The following UBASH3B variants were observed in gnomAD, a reference collection of about 807,000 sequenced individuals.
UBASH3B encodes ubiquitin-associated and SH3 domain-containing protein B.
Under a neutral mutation model 83.4 loss-of-function variants are expected in UBASH3B, and 37 were observed. That is an observed-to-expected ratio of 0.44 (90% confidence interval 0.34 to 0.58). The LOEUF is 0.58. UBASH3B is among the 20% of genes least tolerant of loss of function. The pLI is 0.01. For missense variants in UBASH3B, 657 were observed against 827.2 expected (o/e 0.79, Z 2.52); for synonymous variants, 304 against 318.3 (o/e 0.96, Z 0.48).
At chr11:122,656,858 A>T (rs1284473894) in intron 1 of UBASH3B, among the ~76,000 whole-genome samples, 1 of 152,200 alleles carries the variant, frequency 6.6e-6, no homozygotes, top group African/African-American at 2.4e-5. Flanking sequence ...GGCAGCTCAG[A>T]AATCTGTGGG....
intron 1 of UBASH3B, among the ~76,000 whole-genome samples, chr11:122,744,332 A>T (rs1390838677): frequency 6.6e-6 from 1 of 152,076 alleles, no homozygotes; most frequent in Non-Finnish European, 1.5e-5. Context: ...TGTAGGTGTG[A>T]CTGTATGAGC....
At chr11:122,783,817 C>T (rs574219279) in intron 5 of UBASH3B, among the ~76,000 whole-genome samples, 35 of 152,250 alleles carry the variant, frequency 2.3e-4, no homozygotes, top group African/African-American at 8.2e-4. Context: ...CAGTGGGAGG[C>T]CTGAGTGAGA....
At chr11:122,722,124 G>C (rs1230493163) in intron 1 of UBASH3B, among the ~76,000 whole-genome samples, 1 of 152,198 alleles carries the variant, frequency 6.6e-6, no homozygotes, top group Admixed American at 6.5e-5. Context: ...AAAGCTTCCT[G>C]CAGTAGACAA....
intron 1 of UBASH3B, among the ~76,000 whole-genome samples, chr11:122,766,892 C>T (rs1395081236): frequency 6.6e-6 from 1 of 152,274 alleles, no homozygotes; most frequent in Non-Finnish European, 1.5e-5. Flanking sequence ...CCACCACCCA[C>T]CCATGTCTCC....
At chr11:122,779,823 G>A (rs1231687923) in intron 4 of UBASH3B, 128 bp downstream of exon 4, 7 of 1,131,610 alleles carry the variant, frequency 6.2e-6, no homozygotes, top group Admixed American at 2.4e-5. Context: ...AGGAATGGAC[G>A]TGTGACAAAA....
intron 1 of UBASH3B, among the ~76,000 whole-genome samples, chr11:122,695,630 TC>T (rs1863956641): frequency 6.6e-6 from 1 of 152,218 alleles, no homozygotes; most frequent in Non-Finnish European, 1.5e-5. Flanking sequence ...CCGTTATCCA[TC>T]AGCATTTATG....
intron 1 of UBASH3B, among the ~76,000 whole-genome samples, chr11:122,774,660 C>G (rs1860702589): frequency 6.6e-6 from 1 of 152,154 alleles, no homozygotes; most frequent in South Asian, 2.1e-4. Context: ...GTCAGTGTAA[C>G]TTGGATTCCC....
chr11:122,655,726 CA>C lies in UBASH3B; in HGVS notation c.-321del, dbSNP rs1863348448. The C allele has an allele frequency of 3.6e-6, 1 of 276,030 alleles. No individual in the cohort carries two copies. Among genetic ancestry groups the C allele is most frequent in the Non-Finnish European group, 6.8e-6 (1 of 147,728 alleles). The allele number at this position is 276,030 out of a possible 1,614,324, so 17.1% of individuals were successfully genotyped here. A position where few individuals can be genotyped will look rare whatever the true frequency, so the allele number is the denominator to read the frequency against. ...TGATCCATTCAAAAATTACTCATTG[CA>C]AATTCCCGGACTGCTAGGCGAGGAG... On this transcript the variant is annotated 5_prime_UTR_variant, in exon 1 of 14. Transcript: ENST00000284273.
chr11:122,767,388 G>A (rs1369636648), intron 1 of UBASH3B, among the ~76,000 whole-genome samples: 1 of 151,870 alleles, frequency 6.6e-6, no homozygotes, highest in Non-Finnish European at 1.5e-5. Flanking sequence ...TCGGCTCACT[G>A]CAACCTCTGT....
intron 1 of UBASH3B, among the ~76,000 whole-genome samples, chr11:122,706,152 T>TC (rs199796981): frequency 0.033 from 4,992 of 149,508 alleles, 156 homozygotes; most frequent in Middle Eastern, 0.051. Context: ...GTTTCGCTCT[T>TC]GTTGCCCAGA....
intron 4 of UBASH3B, 127 bp downstream of exon 4, chr11:122,779,822 C>A: frequency 8.8e-7 from 1 of 1,136,654 alleles, no homozygotes; most frequent in South Asian, 1.5e-5. Flanking sequence ...CAGGAATGGA[C>A]GTGTGACAAA....
intron 1 of UBASH3B, among the ~76,000 whole-genome samples, chr11:122,724,110 G>A (rs796555025): frequency 4.6e-5 from 7 of 152,164 alleles, no homozygotes; most frequent in East Asian, 1.9e-4. Context: ...TGGTTATTTC[G>A]TTCATTCATC....
intron 1 of UBASH3B, among the ~76,000 whole-genome samples, chr11:122,741,913 C>T (rs1322064880): frequency 1.3e-5 from 2 of 152,196 alleles, no homozygotes; most frequent in African/African-American, 4.8e-5. Flanking sequence ...AGTCCAACCC[C>T]GCTAGGAGGA....
At chr11:122,672,672 C>T (rs1863613994) in intron 1 of UBASH3B, among the ~76,000 whole-genome samples, 1 of 152,088 alleles carries the variant, frequency 6.6e-6, no homozygotes, top group Non-Finnish European at 1.5e-5. Flanking sequence ...GGGACAGGGT[C>T]AGATTTCAGT....
rs752007919 is a variant in UBASH3B at position 122,796,944 on chromosome 11, A to G, written c.1268A>G (p.His423Arg). 3 of 1,614,158 alleles carry G rather than the reference A, an allele frequency of 1.9e-6. No homozygotes were observed. The highest frequency in any genetic ancestry group is 1.1e-5 in the South Asian group (1 of 91,074). Residue 423 changes from histidine (H) to arginine (R), a missense_variant, in exon 9 of 14, where the codon CAT becomes CGT. By Grantham distance (29) the His-to-Arg change is conservative. This residue lies in a region of UBASH3B where 573 missense variants were observed against 739.0 expected (regional missense o/e 0.78). Transcript: ENST00000284273. ...ATACGCACCAACCTGAACATGCCTC[A>G]TAGTTTACCTCAGCGGAGTGGTGGT... ...RYIRTNLNMP[H>R]SLPQRSGGFR...
rs118133263 is a variant in UBASH3B, at chr11:122,734,711, G to A, written c.162-41508G>A. On this transcript the variant is annotated intron_variant, in intron 1 of 13. Coordinates refer to ENST00000284273, the MANE Select transcript of UBASH3B (RefSeq NM_032873.5). Reference sequence around the variant, plus strand: ...CGGTTTCATTAAGGCAATTCCAGTAGAGTGAATAATCATTTTCCCCCCTCA... The same window carrying A: ...CGGTTTCATTAAGGCAATTCCAGTAAAGTGAATAATCATTTTCCCCCCTCA... Among the ~76,000 whole-genome samples the A allele has an allele frequency of 2.3e-3, 353 of 151,360 alleles. 1 individual carries two copies. Among genetic ancestry groups the A allele is most frequent in the Middle Eastern group, 6.8e-3 (2 of 292 alleles).
rs899097275 is a variant in UBASH3B, at chr11:122,773,813, C to T, written c.162-2406C>T. ...AGATCTTTCATTTCCAGGGGATACTCCTAGTGCCTAGGAAGAAATAAATTA... is the reference window on the plus strand; with the variant it reads ...AGATCTTTCATTTCCAGGGGATACTTCTAGTGCCTAGGAAGAAATAAATTA... On this transcript the variant is annotated intron_variant, in intron 1 of 13. Coordinates refer to ENST00000284273, the MANE Select transcript of UBASH3B (RefSeq NM_032873.5). Among the ~76,000 whole-genome samples, 3 of 152,198 alleles carry T rather than the reference C, an allele frequency of 2.0e-5. 1 individual carries two copies. The highest frequency in any genetic ancestry group is 2.0e-4 in the Admixed American group (3 of 15,282).
intron 1 of UBASH3B, among the ~76,000 whole-genome samples, chr11:122,753,214 C>T (rs938741129): frequency 3.3e-5 from 5 of 151,490 alleles, no homozygotes; most frequent in Admixed American, 1.3e-4. Flanking sequence ...GAGGCCGAGG[C>T]GGGCGGATCA....
At chr11:122,800,727 G>A (rs1861243022) in intron 10 of UBASH3B, among the ~76,000 whole-genome samples, 1 of 151,876 alleles carries the variant, frequency 6.6e-6, no homozygotes, top group African/African-American at 2.4e-5. Context: ...TCCTGCCTCA[G>A]CCTCCTGAGT....
Sources: allele counts gnomAD v4.1 joint callset (sites outside exome capture counted in the v4.1 genomes callset), GRCh38; gene constraint gnomAD v4.1.1; regional missense constraint gnomAD v4.1.1; transcripts MANE v1.5; gene names NCBI Gene and HGNC (gene_info 2026-07-23, HGNC 2026-07-21).